Variants in ADAMTS14 observed in about 807,000 individuals in gnomAD.
ADAMTS14 encodes ADAM metallopeptidase with thrombospondin type 1 motif 14, also known as A disintegrin and metalloproteinase with thrombospondin motifs 14.
In ADAMTS14, 100 loss-of-function variants were observed where a neutral mutation model predicts 128.6. That is an observed-to-expected ratio of 0.78 (90% CI 0.66 to 0.92). ADAMTS14 has a LOEUF of 0.92. Among genes scored for constraint, ADAMTS14 ranks in the 40% least tolerant of loss-of-function variants. The probability of loss-of-function intolerance (pLI) is 0.00; values close to 1 mark genes in which losing one functional copy is unlikely to be tolerated. For missense variants in ADAMTS14, 1,562 were observed against 1,658.6 expected (o/e 0.94, Z 1.01); for synonymous variants, 665 against 653.8 (o/e 1.02, Z -0.26).
chr10:70,677,590 G>A (rs893050410), intron 2 of ADAMTS14, among the ~76,000 whole-genome samples: 14 of 152,086 alleles, frequency 9.2e-5, no homozygotes, highest in Non-Finnish European at 2.9e-5. Context: ...CCTTGGTGAG[G>A]GGCAGAAATG....
intron 4 of ADAMTS14, among the ~76,000 whole-genome samples, chr10:70,724,865 A>G (rs1447234091): frequency 6.6e-6 from 1 of 152,146 alleles, no homozygotes; most frequent in Admixed American, 6.5e-5. Flanking sequence ...AAAAGACCCA[A>G]CTGTTTCTCA....
At position 70,753,963 on chromosome 10, in the gene ADAMTS14, C is replaced by T. The variant is rs36006820; in HGVS notation, c.2893C>T (p.Arg965Ter). 31 of 1,582,432 alleles carry T rather than the reference C, an allele frequency of 2.0e-5. No individual in the cohort carries two copies. The highest frequency in any genetic ancestry group is 5.4e-5 in the Admixed American group (3 of 55,606). Residue 965 changes from arginine (R) to a stop codon, truncating the protein, a stop_gained, in exon 19 of 22, where the codon CGA (arginine) becomes TGA (stop). Coordinates refer to ENST00000373207, the MANE Select transcript of ADAMTS14 (RefSeq NM_080722.4). LOFTEE classifies it high-confidence loss of function. ...GCCTGAGGCCCGACGGCCCTGTCTC[C>T]GAGTGCCCTGCCCAGCCCAGTGGAG... Reference protein sequence around the residue: ...DRPEARRPCLRVPCPAQWRLG... With the variant: ...DRPEARRPCL
intron 4 of ADAMTS14, among the ~76,000 whole-genome samples, chr10:70,727,298 G>A (rs932019423): frequency 2.0e-5 from 3 of 152,202 alleles, no homozygotes; most frequent in Non-Finnish European, 4.4e-5. Flanking sequence ...GGACTGTCAC[G>A]CCTGTGTGGT....
At chr10:70,754,744 T>A (rs1842440039) in intron 19 of ADAMTS14, among the ~76,000 whole-genome samples, 1 of 152,084 alleles carries the variant, frequency 6.6e-6, no homozygotes, top group African/African-American at 2.4e-5. Context: ...CAGGGAAGCC[T>A]TTTAACATGG....
intron 4 of ADAMTS14, among the ~76,000 whole-genome samples, chr10:70,724,946 G>A (rs1044585403): frequency 6.6e-6 from 1 of 152,034 alleles, no homozygotes; most frequent in Non-Finnish European, 1.5e-5. Context: ...TTCCTTTTTG[G>A]GATCATTTTC....
chr10:70,705,536 C>T (rs944250945), intron 3 of ADAMTS14, among the ~76,000 whole-genome samples: 1 of 152,264 alleles, frequency 6.6e-6, no homozygotes, highest in Admixed American at 6.5e-5. Flanking sequence ...CAATGCTGTG[C>T]AACCATCACC....
Position 70,761,482 on chromosome 10 carries a change from T to C in ADAMTS14, c.*629T>C, listed in dbSNP as rs1842612197. The C allele has an allele frequency of 6.6e-6, 1 of 152,316 alleles. No individual in the cohort carries two copies. Among genetic ancestry groups the C allele is most frequent in the Non-Finnish European group, 1.5e-5 (1 of 68,160 alleles). The allele number at this position is 152,316 out of a possible 1,614,324, so 9.4% of individuals were successfully genotyped here. A position where few individuals can be genotyped will look rare whatever the true frequency, so the allele number is the denominator to read the frequency against. ...CCAGGCAGCAGAGGCCAGTTTGTCT[T>C]TGCTGGCCAGAAGATGGTGCTCATG... On this transcript the variant is annotated 3_prime_UTR_variant, in exon 22 of 22. Transcript: ENST00000373207.
intron 2 of ADAMTS14, among the ~76,000 whole-genome samples, chr10:70,680,886 G>A (rs1429406019): frequency 1.3e-5 from 2 of 152,146 alleles, no homozygotes; most frequent in Non-Finnish European, 2.9e-5. Flanking sequence ...AGCCTCAGCT[G>A]ATCCACCTGC....
chr10:70,684,698 C>G (rs1839905655), intron 2 of ADAMTS14, among the ~76,000 whole-genome samples: 1 of 152,226 alleles, frequency 6.6e-6, no homozygotes, highest in Admixed American at 6.5e-5. Flanking sequence ...CTGCTGATGT[C>G]TTAGAATAAA....
chr10:70,755,733 C>T (rs1165320026), intron 19 of ADAMTS14, among the ~76,000 whole-genome samples: 1 of 152,180 alleles, frequency 6.6e-6, no homozygotes, highest in Non-Finnish European at 1.5e-5. Context: ...CCTGTAATCT[C>T]AGCTACTCGG....
chr10:70,760,935 G>A lies in ADAMTS14; in HGVS notation c.*82G>A. On this transcript the variant is annotated 3_prime_UTR_variant, in exon 22 of 22. Coordinates refer to ENST00000373207, the MANE Select transcript of ADAMTS14 (RefSeq NM_080722.4). Reference sequence around the variant, plus strand: ...CCAGCTCAGAGGACACACATAGCAGGGCAGGCGCAAGCACAGACTTCATTT... The same window carrying A: ...CCAGCTCAGAGGACACACATAGCAGAGCAGGCGCAAGCACAGACTTCATTT... 1 of 1,470,966 alleles carries A rather than the reference G, an allele frequency of 6.8e-7. No homozygotes were observed. The highest frequency in any genetic ancestry group is 9.0e-7 in the Non-Finnish European group (1 of 1,110,526). 91.1% of individuals were successfully genotyped at this position (1,470,966 alleles called of 1,614,324 possible). A position where few individuals can be genotyped will look rare whatever the true frequency, so the allele number is the denominator to read the frequency against.
intron 2 of ADAMTS14, among the ~76,000 whole-genome samples, chr10:70,697,771 AC>A (rs72341322): frequency 0.42 from 64,186 of 151,618 alleles, 14,656 homozygotes; most frequent in Non-Finnish European, 0.52. Context: ...CTGGGCTTAC[AC>A]CCTGAGGGGC....
chr10:70,742,999 G>A (rs1842052272), intron 12 of ADAMTS14, among the ~76,000 whole-genome samples: 1 of 152,094 alleles, frequency 6.6e-6, no homozygotes, highest in Non-Finnish European at 1.5e-5. Context: ...AAGTTTTGTA[G>A]GGGTCAGAGC....
At chr10:70,743,981 C>T (rs1405172802) in intron 13 of ADAMTS14, 85 bp from the exon 14 acceptor site, 2 of 1,496,086 alleles carry the variant, frequency 1.3e-6, no homozygotes, top group African/African-American at 2.8e-5. Flanking sequence ...TTCTCCTGAC[C>T]AGGGCCTGGG....
At chr10:70,720,810 C>T (rs958975353) in intron 4 of ADAMTS14, among the ~76,000 whole-genome samples, 10 of 152,040 alleles carry the variant, frequency 6.6e-5, no homozygotes, top group Non-Finnish European at 1.0e-4. Flanking sequence ...TGTAGATACA[C>T]GCACCCATGT....
intron 1 of ADAMTS14, among the ~76,000 whole-genome samples, chr10:70,673,113 G>A (rs1282101140): frequency 6.6e-6 from 1 of 152,192 alleles, no homozygotes; most frequent in East Asian, 1.9e-4. Context: ...GAATTTGGGA[G>A]CATCGAGTCT....
At chr10:70,706,279 A>T (rs757004410) in intron 3 of ADAMTS14, among the ~76,000 whole-genome samples, 2 of 152,182 alleles carry the variant, frequency 1.3e-5, no homozygotes, top group Non-Finnish European at 2.9e-5. Context: ...CTGAGTTTAC[A>T]TTCCGGGCTG....
At chr10:70,738,740 C>T (rs890169314) in intron 10 of ADAMTS14, 102 bp from the exon 11 acceptor site, 1 of 1,532,282 alleles carries the variant, frequency 6.5e-7, no homozygotes, top group East Asian at 2.3e-5. Flanking sequence ...TGGGATTCTG[C>T]CTAAACCCAG....
chr10:70,683,818 C>T (rs34551097), intron 2 of ADAMTS14, among the ~76,000 whole-genome samples: 5,773 of 152,120 alleles, frequency 0.038, 170 homozygotes, highest in Non-Finnish European at 0.055. Context: ...GGCTGTAGGC[C>T]GCGCGGCCTC....
Sources: allele counts gnomAD v4.1 joint callset (sites outside exome capture counted in the v4.1 genomes callset), GRCh38; gene constraint gnomAD v4.1.1; transcripts MANE v1.5; gene names NCBI Gene and HGNC (gene_info 2026-07-23, HGNC 2026-07-21).